Variants in SYT14 observed in about 807,000 individuals in gnomAD.
SYT14 encodes the protein synaptotagmin-14.
Under a neutral mutation model 74.2 loss-of-function variants are expected in SYT14, and 32 were observed. The observed-to-expected ratio is 0.43, with a 90% CI of 0.33 to 0.58. SYT14 has a LOEUF of 0.58. Ranked by LOEUF, SYT14 falls within the 20% of genes least tolerant of loss-of-function variation. The pLI, the probability that SYT14 is intolerant of heterozygous loss-of-function variation, is 0.05. For missense variants in SYT14, 791 were observed against 981.8 expected (o/e 0.81, Z 2.60); for synonymous variants, 298 against 337.7 (o/e 0.88, Z 1.29).
At chr1:210,048,403 A>G (rs2080926066) in intron 5 of SYT14, among the ~76,000 whole-genome samples, 2 of 152,200 alleles carry the variant, frequency 1.3e-5, no homozygotes, top group South Asian at 4.1e-4. Flanking sequence ...GGGAGGCCTC[A>G]TAATCATGGC....
At chr1:210,121,311 A>T (rs972036220) in intron 7 of SYT14, among the ~76,000 whole-genome samples, 14 of 152,202 alleles carry the variant, frequency 9.2e-5, no homozygotes, top group Non-Finnish European at 2.1e-4. Context: ...TTAATTAGAT[A>T]CTAGTCCGCA....
rs190772630 is a variant in SYT14 at position 210,103,273 on chromosome 1, G to A, written c.2034+2812G>A. 5.9e-4 allele frequency among the ~76,000 whole-genome samples: 89 copies of A among 152,058 alleles called. 3 individuals are homozygous for A. In the South Asian group the frequency reaches 0.016, roughly 28 times the overall value. On this transcript the variant is annotated intron_variant, in intron 7 of 9. Transcript: ENST00000637265. ...AAGATTAAAGTTTAACATTAAGGCC[G>A]GGCGCAGTGGCTCACACCTGTATTC...
At chr1:209,993,344 C>T (rs2079728628) in intron 2 of SYT14, among the ~76,000 whole-genome samples, 2 of 152,188 alleles carry the variant, frequency 1.3e-5, no homozygotes, top group Admixed American at 1.3e-4. Flanking sequence ...CATCTGCAGC[C>T]TAGCCTGAGT....
chr1:209,995,402 A>T (rs1345813807), intron 2 of SYT14, among the ~76,000 whole-genome samples: 1 of 152,242 alleles, frequency 6.6e-6, no homozygotes, highest in East Asian at 1.9e-4. Flanking sequence ...ACATTACATA[A>T]TGATGAAAAG....
At chr1:209,956,464 G>C (rs1178940638) in intron 2 of SYT14, among the ~76,000 whole-genome samples, 2 of 152,152 alleles carry the variant, frequency 1.3e-5, no homozygotes, top group Non-Finnish European at 2.9e-5. Context: ...TCATTAAGCA[G>C]GGAGTGTGGG....
chr1:209,968,212 A>G (rs1416956707), intron 2 of SYT14, among the ~76,000 whole-genome samples: 1 of 152,128 alleles, frequency 6.6e-6, no homozygotes, highest in African/African-American at 2.4e-5. Flanking sequence ...GTTTTCTAAA[A>G]TAGACATTGA....
intron 7 of SYT14, among the ~76,000 whole-genome samples, chr1:210,150,194 G>A (rs2083130533): frequency 6.6e-6 from 1 of 152,168 alleles, no homozygotes; most frequent in Non-Finnish European, 1.5e-5. Flanking sequence ...AAAGAATGAA[G>A]CCAAATTTGG....
chr1:209,972,117 G>A (rs1406422109), intron 2 of SYT14, among the ~76,000 whole-genome samples: 1 of 152,058 alleles, frequency 6.6e-6, no homozygotes, highest in East Asian at 1.9e-4. Flanking sequence ...ATCTTGGGAG[G>A]TTGTATGTTT....
At chr1:210,143,631 A>G (rs1011876969) in intron 7 of SYT14, among the ~76,000 whole-genome samples, 6 of 152,246 alleles carry the variant, frequency 3.9e-5, no homozygotes, top group Admixed American at 3.9e-4. Context: ...TTAAGTGAAG[A>G]CTCAAAATAT....
chr1:210,158,603 G>C (rs2102721618), intron 8 of SYT14, among the ~76,000 whole-genome samples: 1 of 152,222 alleles, frequency 6.6e-6, no homozygotes, highest in East Asian at 1.9e-4. Context: ...CGCAGGGTTG[G>C]ATAATAAACA....
At chr1:210,113,501 G>C (rs934296736) in intron 7 of SYT14, among the ~76,000 whole-genome samples, 2 of 151,338 alleles carry the variant, frequency 1.3e-5, no homozygotes, top group African/African-American at 4.9e-5. Context: ...AGGCCATGCT[G>C]TAACAGGCAA....
chr1:210,143,725 A>T (rs1027036593), intron 7 of SYT14, among the ~76,000 whole-genome samples: 6 of 152,170 alleles, frequency 3.9e-5, no homozygotes, highest in African/African-American at 1.2e-4. Context: ...CAGAAATAAG[A>T]TATAAAGATA....
chr1:210,162,914 C>A, exon 10 of SYT14: 1 of 453,002 alleles, frequency 2.2e-6, no homozygotes, highest in Non-Finnish European at 4.4e-6. Flanking sequence ...ATTGTTACAT[C>A]AATGAGCTTT....
At chr1:209,943,529 A>AG (rs1391365655) in intron 1 of SYT14, among the ~76,000 whole-genome samples, 8 of 151,414 alleles carry the variant, frequency 5.3e-5, no homozygotes, top group Admixed American at 2.0e-4. Context: ...AAAAAAAAAA[A>AG]AAAAAAAAGA....
At chr1:210,051,473 A>G (rs2080994786) in intron 5 of SYT14, among the ~76,000 whole-genome samples, 1 of 152,200 alleles carries the variant, frequency 6.6e-6, no homozygotes, top group Non-Finnish European at 1.5e-5. Flanking sequence ...ATAAAAACAT[A>G]TACTCAGATA....
intron 2 of SYT14, among the ~76,000 whole-genome samples, chr1:210,003,862 AAATTT>A (rs1163461425): frequency 2.0e-5 from 3 of 152,114 alleles, no homozygotes; most frequent in Non-Finnish European, 4.4e-5. Flanking sequence ...TTTCCCACAT[AAATTT>A]AATTTTATTC....
chr1:210,161,186 A>G (rs1442237768), exon 10 of SYT14: 10 of 880,398 alleles, frequency 1.1e-5, no homozygotes, highest in Admixed American at 7.9e-5. Context: ...TTCTATGGAA[A>G]GAACGTCTCA....
chr1:210,012,035 C>A (rs1212026651), intron 2 of SYT14, among the ~76,000 whole-genome samples: 3 of 152,026 alleles, frequency 2.0e-5, no homozygotes, highest in African/African-American at 7.2e-5. Context: ...TGCTTGAGAC[C>A]AAATTCTCTT....
chr1:210,155,107 T>A (rs924177320), intron 7 of SYT14, among the ~76,000 whole-genome samples: 1 of 152,190 alleles, frequency 6.6e-6, no homozygotes, highest in Non-Finnish European at 1.5e-5. Flanking sequence ...AAATTTGGGA[T>A]TATTTTAGTT....
Sources: allele counts gnomAD v4.1 joint callset (sites outside exome capture counted in the v4.1 genomes callset), GRCh38; gene constraint gnomAD v4.1.1; transcripts MANE v1.5; gene names NCBI Gene and HGNC (gene_info 2026-07-23, HGNC 2026-07-21).